Variants in TPP1 observed in about 807,000 individuals in gnomAD.
TPP1 encodes tripeptidyl peptidase 1.
In TPP1, 43 loss-of-function variants were observed where a neutral mutation model predicts 67.6. That is an observed-to-expected ratio of 0.64 (90% confidence interval 0.50 to 0.82). The LOEUF is 0.82. Ranked by LOEUF, TPP1 falls within the 40% of genes least tolerant of loss-of-function variation. The pLI, the probability that TPP1 is intolerant of heterozygous loss-of-function variation, is 0.00. For missense variants in TPP1, 671 were observed against 710.9 expected (o/e 0.94, Z 0.64); for synonymous variants, 272 against 281.5 (o/e 0.97, Z 0.34).
chr11:6,616,795 A>C lies in TPP1; in HGVS notation c.752T>G (p.Phe251Cys). The change falls in exon 7 of 13, where the codon TTT becomes TGT. Residue 251 changes from phenylalanine to cysteine, a missense_variant. By Grantham distance (205) the Phe-to-Cys change is radical. Transcript: ENST00000299427. Reference protein sequence around the residue: ...AQFMRLFGGNFAHQASVARVV... With the variant: ...AQFMRLFGGNCAHQASVARVV... ...ACGGGCTACTGATGCCTGATGTGCA[A>C]AGTTGCCACCGAAGAGGCGCATGAA... 1.2e-6 allele frequency: 2 copies of C among 1,613,910 alleles called. No individual in the cohort carries two copies. The highest frequency in any genetic ancestry group is 1.7e-6 in the Non-Finnish European group (2 of 1,180,014).
At chr11:6,618,313 G>A (rs1855616883) in intron 3 of TPP1, 2 of 343,222 alleles carry the variant, frequency 5.8e-6, no homozygotes, top group Admixed American at 4.7e-5. Context: ...TTTGACTGTT[G>A]GAGAGACTGT....
intron 3 of TPP1, chr11:6,618,447 C>T: frequency 5.5e-6 from 3 of 543,788 alleles, no homozygotes; most frequent in South Asian, 2.2e-5. Context: ...TAACAAAAGA[C>T]GGCAAGAAGG....
In TPP1 at chr11:6,613,434, G is replaced by T. The variant is rs908174355; in HGVS notation, c.*1112C>A. 3 of 152,312 alleles carry T rather than the reference G, an allele frequency of 2.0e-5. No homozygotes were observed. Among genetic ancestry groups the T allele is most frequent in the African/African-American group, 7.2e-5 (3 of 41,546 alleles). 9.4% of individuals were successfully genotyped at this position (152,312 alleles called of 1,614,324 possible). A position where few individuals can be genotyped will look rare whatever the true frequency, so the allele number is the denominator to read the frequency against. ...TGTGAGCTATGATTGGGGGCTGGAG[G>T]GGAAAGCCTGAATTCTATCCAGTAA... On this transcript the variant is annotated 3_prime_UTR_variant, in exon 13 of 13. Coordinates refer to ENST00000299427, the MANE Select transcript of TPP1 (RefSeq NM_000391.4).
In TPP1 at chr11:6,616,557, G is replaced by T. The variant is rs1379518015; in HGVS notation, c.887-54C>A. ...GGATGGGCACAAAGATAGTCACTGGGGGTTGTCAGGATCTCTCTCCAGCTT... is the reference window on the plus strand; with the variant it reads ...GGATGGGCACAAAGATAGTCACTGGTGGTTGTCAGGATCTCTCTCCAGCTT... On this transcript the variant is annotated intron_variant, in intron 7 of 12. Coordinates refer to ENST00000299427, the MANE Select transcript of TPP1 (RefSeq NM_000391.4). 5.0e-6 allele frequency: 8 copies of T among 1,597,802 alleles called. No homozygotes were observed. The Admixed American group carries it at 8.6e-5, about 17-fold the overall frequency.
intron 9 of TPP1, chr11:6,615,787 G>A (rs2134592550): frequency 7.7e-6 from 6 of 779,362 alleles, no homozygotes; most frequent in Non-Finnish European, 1.3e-5. Context: ...TAAAATGCCT[G>A]GGAACTGACG....
rs780595859 is a variant in TPP1 at position 6,616,295 on chromosome 11, A to C, written c.1075+20T>G. ...GCTGCAGAGGTGTAAGCATTGTCTA[A>C]GTTTAGGGTAGGAGGTCACCTGAGG... On this transcript the variant is annotated intron_variant, in intron 8 of 12. Transcript: ENST00000299427. The C allele has an allele frequency of 6.2e-7, 1 of 1,612,772 alleles. No individual in the cohort carries two copies. The highest frequency in any genetic ancestry group is 1.1e-5 in the South Asian group (1 of 91,040).
rs1233629187 is a variant in TPP1 at position 6,618,825 on chromosome 11, T to A, written c.180A>T (p.Arg60Ser). 1 of 1,613,578 alleles carries A rather than the reference T, an allele frequency of 6.2e-7. No homozygotes were observed. Among genetic ancestry groups the A allele is most frequent in the South Asian group, 1.1e-5 (1 of 91,040 alleles). The change falls in exon 3 of 13, where the codon AGA becomes AGT. Residue 60 changes from arginine to serine, a missense_variant. By Grantham distance (110) the Arg-to-Ser change is moderately radical. Transcript: ENST00000299427. ...ACACAGCCTGCACCAGCTCCGAGAG[T>A]CTTTCCACATTCTGCTGTCTCAGGG... ...TFALRQQNVE[R>S]LSELVQAVSD... is the part of the protein sequence containing the mutation.
Position 6,613,794 on chromosome 11 carries a change from G to C in TPP1, c.*752C>G, listed in dbSNP as rs1186587267. ...ATCATTTACCAAGAAGAAACGAGAT[G>C]GAATTGTTTGGGGTTGGGAAGGTGG... is the stretch of plus-strand genomic sequence containing the variant. On this transcript the variant is annotated 3_prime_UTR_variant, in exon 13 of 13. Coordinates refer to ENST00000299427, the MANE Select transcript of TPP1 (RefSeq NM_000391.4). The C allele has an allele frequency of 6.5e-6, 1 of 152,700 alleles. No homozygotes were observed. Among genetic ancestry groups the C allele is most frequent in the African/African-American group, 2.4e-5 (1 of 41,450 alleles). The allele number at this position is 152,700 out of a possible 1,614,324, so 9.5% of individuals were successfully genotyped here.
chr11:6,615,061 A>G, intron 11 of TPP1, 70 bp from the exon 12 acceptor site: 1 of 1,613,556 alleles, frequency 6.2e-7, no homozygotes, highest in Middle Eastern at 1.7e-4. Flanking sequence ...GTGATGCTTT[A>G]AAGTATCAGA....
rs780823344 is a variant in TPP1, at chr11:6,614,510, G to T, written c.*36C>A. On this transcript the variant is annotated 3_prime_UTR_variant, in exon 13 of 13. Coordinates refer to ENST00000299427, the MANE Select transcript of TPP1 (RefSeq NM_000391.4). ...TAAGGGACTGAACTGCCAGCTTCAG[G>T]GCAGGGGACAAGCCATCTCTCCTGA... 13 of 1,613,890 alleles carry T rather than the reference G, an allele frequency of 8.1e-6. No individual in the cohort carries two copies. The South Asian group carries it at 1.1e-4, about 14-fold the overall frequency.
rs12280037 is a variant in TPP1 at position 6,619,095 on chromosome 11, C to T, written c.89+101G>A. The T allele has an allele frequency of 1.7e-3, 2,553 of 1,497,470 alleles. 57 individuals carry two copies. The African/African-American group carries it at 0.03, about 17-fold the overall frequency. 92.8% of individuals were successfully genotyped at this position (1,497,470 alleles called of 1,614,324 possible). On this transcript the variant is annotated intron_variant, in intron 2 of 12. Coordinates refer to ENST00000299427, the MANE Select transcript of TPP1 (RefSeq NM_000391.4). ...AACATAGAGATGAAGCTATGGAGTG[C>T]GTACTAGGAGCTGGCACGGGGGTGA...
intron 3 of TPP1, 121 bp from the exon 4 acceptor site, chr11:6,617,897 T>C (rs1855611144): frequency 7.4e-7 from 1 of 1,345,386 alleles, no homozygotes; most frequent in African/African-American, 1.4e-5. Flanking sequence ...AGGAGGGCTA[T>C]GTGTGCAGGT....
chr11:6,614,812 T>C, intron 12 of TPP1, 54 bp downstream of exon 12: 1 of 1,613,920 alleles, frequency 6.2e-7, no homozygotes, highest in East Asian at 2.2e-5. Context: ...AAGTCCCCCT[T>C]AGCACTCCCC....
rs121908204 is a variant in TPP1, at chr11:6,617,626, C to T, written c.380G>A (p.Arg127Gln). 6 of 1,613,978 alleles carry T rather than the reference C, an allele frequency of 3.7e-6. No individual in the cohort carries two copies. Among genetic ancestry groups the T allele is most frequent in the Non-Finnish European group, 5.1e-6 (6 of 1,180,000 alleles). ...QDFLTCWLSIRQAELLLPGAE... is the reference protein window; with the variant it reads ...QDFLTCWLSIQQAELLLPGAE... The stretch of plus-strand genomic sequence containing the variant: ...CCATGGAGCAATCATTTCCTCTCAC[C>T]GGATGCTCAGCCAGCAAGTCAGAAA... Residue 127 changes from arginine (R) to glutamine (Q), a missense_variant and splice_region_variant, in exon 4 of 13, where the codon CGA becomes CAA. By Grantham distance (43) the Arg-to-Gln change is conservative (BLOSUM62 1). Coordinates refer to ENST00000299427, the MANE Select transcript of TPP1 (RefSeq NM_000391.4).
rs1353952797 is a variant in TPP1, at chr11:6,614,873, A to G, written c.1544T>C (p.Leu515Pro). Residue 515 changes from leucine (L) to proline (P), a missense_variant, in exon 12 of 13, where the codon CTC becomes CCC. Transcript: ENST00000299427. ...PRLYQQHGAG[L>P]FDVTRGCHES... is the part of the protein sequence containing the mutation. ...CTTCCCTTCCATACTTACATCAAAG[A>G]GTCCTGCCCCATGCTGCTGGTAGAG... 6.2e-7 allele frequency: 1 copy of G among 1,614,118 alleles called. No individual in the cohort carries two copies. The highest frequency in any genetic ancestry group is 1.1e-5 in the South Asian group (1 of 91,078).
chr11:6,617,233 A>G (rs1396599796), intron 5 of TPP1, 68 bp downstream of exon 5: 5 of 1,613,838 alleles, frequency 3.1e-6, no homozygotes, highest in Non-Finnish European at 1.7e-6. Flanking sequence ...CCAGTCCCCA[A>G]TGGCATCTAA....
rs753967232 is a variant in TPP1, at chr11:6,617,402, G to A, written c.407C>T (p.Ala136Val). 3.7e-6 allele frequency: 6 copies of A among 1,614,098 alleles called. No homozygotes were observed. The South Asian group carries it at 5.5e-5, about 15-fold the overall frequency. Reference sequence around the variant, plus strand: ...TCCTCCCACATAGTGATGAAACTCAGCCCCAGGGAGCAGCAGCTCTGCTTG... The same window carrying A: ...TCCTCCCACATAGTGATGAAACTCAACCCCAGGGAGCAGCAGCTCTGCTTG... ...IRQAELLLPG[A>V]EFHHYVGGPT... The change falls in exon 5 of 13, where the codon GCT (alanine) becomes GTT (valine). Residue 136 changes from alanine to valine, a missense_variant. Transcript: ENST00000299427.
Position 6,617,321 on chromosome 11 carries a change from A to G in TPP1, c.488T>C (p.Leu163Ser), listed in dbSNP as rs986709245. 1.9e-6 allele frequency: 3 copies of G among 1,614,002 alleles called. No individual in the cohort carries two copies. The highest frequency in any genetic ancestry group is 2.2e-5 in the East Asian group (1 of 44,856). The change falls in exon 5 of 13, where the codon TTG becomes TCG. Residue 163 changes from leucine to serine, a missense_variant. Coordinates refer to ENST00000299427, the MANE Select transcript of TPP1 (RefSeq NM_000391.4). ...GTTACCAAAGTCCACATGGGGGGCC[A>G]AGGCCTGTGGAAGCTGGTAGGGATG... ...SPHPYQLPQA[L>S]APHVDFVGGL...
chr11:6,612,918 C>T lies in TPP1; in HGVS notation c.*1628G>A, dbSNP rs7488. ...AAGTAAACTGGCCATTTCAATACTA[C>T]GTGGTCGTTACAATGCTAGAGGTAG... On this transcript the variant is annotated 3_prime_UTR_variant, in exon 13 of 13. Coordinates refer to ENST00000299427, the MANE Select transcript of TPP1 (RefSeq NM_000391.4). 116,896 of 152,654 alleles carry T rather than the reference C, an allele frequency of 0.77. 44,923 individuals are homozygous for T. The highest frequency in any genetic ancestry group is 0.89 in the East Asian group (4,632 of 5,182). 9.5% of individuals were successfully genotyped at this position (152,654 alleles called of 1,614,324 possible). A position where few individuals can be genotyped will look rare whatever the true frequency, so the allele number is the denominator to read the frequency against.
Sources: gnomAD v4.1 joint callset for allele counts on GRCh38, gnomAD v4.1.1 for gene constraint, MANE v1.5 for transcripts, NCBI Gene and HGNC (gene_info 2026-07-23, HGNC 2026-07-21) for gene names.